FCHSD2: variants seen among roughly 807,000 people sequenced by gnomAD.
FCHSD2 encodes F-BAR and double SH3 domains protein 2.
Under a neutral mutation model 108.1 loss-of-function variants are expected in FCHSD2, and 38 were observed. That is an observed-to-expected ratio of 0.35 (90% CI 0.27 to 0.46). FCHSD2 has a LOEUF of 0.46. Among genes scored for constraint, FCHSD2 ranks in the 20% least tolerant of loss-of-function variants. FCHSD2 has a pLI of 1.00. For missense variants in FCHSD2, 751 were observed against 897.8 expected, an observed-to-expected ratio of 0.84 and a Z score of 2.09; for synonymous variants, 279 against 314.7, an observed-to-expected ratio of 0.89 and a Z score of 1.20.
chr11:72,875,039 CA>C (rs1854938496), intron 12 of FCHSD2, among the ~76,000 whole-genome samples: 1 of 152,166 alleles, frequency 6.6e-6, no homozygotes, highest in Non-Finnish European at 1.5e-5. Flanking sequence ...TTTAACACAA[CA>C]TTTAACATAA....
chr11:72,904,724 T>G (rs1283220366), intron 9 of FCHSD2, among the ~76,000 whole-genome samples: 1 of 152,234 alleles, frequency 6.6e-6, no homozygotes, highest in Non-Finnish European at 1.5e-5. Flanking sequence ...CAAATCAGGA[T>G]ACAAATACAG....
At chr11:73,114,496 C>G (rs1860561835) in intron 2 of FCHSD2, among the ~76,000 whole-genome samples, 1 of 152,082 alleles carries the variant, frequency 6.6e-6, no homozygotes, top group South Asian at 2.1e-4. Flanking sequence ...TTTTCTCAAG[C>G]AGGAGTTTCT....
chr11:72,949,186 CG>C (rs1455240758), intron 8 of FCHSD2, among the ~76,000 whole-genome samples: 1 of 151,918 alleles, frequency 6.6e-6, no homozygotes, highest in East Asian at 1.9e-4. Context: ...TGGTGGCTCA[CG>C]CCTGTAATCC....
At chr11:72,891,566 G>C (rs1855315447) in intron 10 of FCHSD2, among the ~76,000 whole-genome samples, 1 of 152,168 alleles carries the variant, frequency 6.6e-6, no homozygotes, top group African/African-American at 2.4e-5. Flanking sequence ...TGTTCTCAAA[G>C]TCAGGAATAT....
At chr11:73,055,621 T>C (rs1859007759) in intron 3 of FCHSD2, among the ~76,000 whole-genome samples, 2 of 152,338 alleles carry the variant, frequency 1.3e-5, no homozygotes, top group South Asian at 4.1e-4. Flanking sequence ...TACAATATAT[T>C]AGTACAGAGT....
intron 12 of FCHSD2, among the ~76,000 whole-genome samples, chr11:72,872,845 T>C (rs1200242378): frequency 1.3e-5 from 2 of 152,194 alleles, no homozygotes. Flanking sequence ...TAATGCTAAG[T>C]TTAACCATCT....
intron 10 of FCHSD2, among the ~76,000 whole-genome samples, chr11:72,897,217 T>G (rs1386943542): frequency 6.6e-6 from 1 of 152,074 alleles, no homozygotes; most frequent in African/African-American, 2.4e-5. Flanking sequence ...TAGTATCCTA[T>G]TTAATTTTCA....
At chr11:72,945,159 G>T (rs1286848096) in intron 8 of FCHSD2, among the ~76,000 whole-genome samples, 1 of 152,092 alleles carries the variant, frequency 6.6e-6, no homozygotes. Flanking sequence ...ATACTACAAG[G>T]CTACAGTAAC....
At chr11:72,921,713 A>G in intron 9 of FCHSD2, 115 bp downstream of exon 9, 1 of 771,802 alleles carries the variant, frequency 1.3e-6, no homozygotes, top group East Asian at 2.7e-5. Flanking sequence ...TTACCAGGAA[A>G]TTTGTTCGTT....
chr11:72,937,499 TAATAAAC>T (rs1856327309), intron 8 of FCHSD2, among the ~76,000 whole-genome samples: 1 of 152,160 alleles, frequency 6.6e-6, no homozygotes, highest in South Asian at 2.1e-4. Context: ...AGGAAAGAGT[TAATAAAC>T]ATGTCATGGA....
intron 8 of FCHSD2, among the ~76,000 whole-genome samples, chr11:72,966,981 G>A (rs914329016): frequency 2.0e-5 from 3 of 151,922 alleles, no homozygotes; most frequent in South Asian, 2.1e-4. Context: ...GGCGGATCAC[G>A]AGGTCAGGAG....
chr11:72,842,486 T>A, intron 17 of FCHSD2, 135 bp downstream of exon 17: 1 of 1,006,662 alleles, frequency 9.9e-7, no homozygotes, highest in Non-Finnish European at 1.4e-6. Context: ...CAAATGCAGT[T>A]GTGCAGACAC....
At chr11:72,916,382 A>G (rs1228036675) in intron 9 of FCHSD2, among the ~76,000 whole-genome samples, 3 of 147,762 alleles carry the variant, frequency 2.0e-5, no homozygotes, top group Non-Finnish European at 4.4e-5. Flanking sequence ...GCATGATCAT[A>G]GCCTGCTGCA....
At chr11:72,989,642 GC>G (rs1329598237) in intron 5 of FCHSD2, among the ~76,000 whole-genome samples, 2 of 152,118 alleles carry the variant, frequency 1.3e-5, no homozygotes, top group African/African-American at 4.8e-5. Context: ...ACCATCCCCT[GC>G]CCAACTCCGT....
chr11:72,983,251 G>A (rs1185026304), intron 8 of FCHSD2, among the ~76,000 whole-genome samples: 1 of 149,992 alleles, frequency 6.7e-6, no homozygotes, highest in African/African-American at 2.4e-5. Context: ...CCGAGATCCC[G>A]CCACTGCACT....
chr11:73,007,309 G>A (rs1055692590), intron 4 of FCHSD2, among the ~76,000 whole-genome samples: 8 of 152,044 alleles, frequency 5.3e-5, no homozygotes, highest in Non-Finnish European at 1.2e-4. Flanking sequence ...AACTTTACCA[G>A]AAGAAATTTC....
chr11:72,875,075 T>C (rs966301771), intron 12 of FCHSD2, among the ~76,000 whole-genome samples: 9 of 152,226 alleles, frequency 5.9e-5, no homozygotes, highest in African/African-American at 1.9e-4. Flanking sequence ...AAAGCTATAG[T>C]TGAATTTCAA....
At chr11:72,864,591 ATTGT>A (rs1854682653) in intron 13 of FCHSD2, among the ~76,000 whole-genome samples, 1 of 147,590 alleles carries the variant, frequency 6.8e-6, no homozygotes, top group South Asian at 2.1e-4. Context: ...AATATATACA[ATTGT>A]TTGTCAATTA....
At chr11:72,975,344 C>T (rs1857084948) in intron 8 of FCHSD2, among the ~76,000 whole-genome samples, 1 of 151,872 alleles carries the variant, frequency 6.6e-6, no homozygotes, top group African/African-American at 2.4e-5. Flanking sequence ...TTGGTGGTTA[C>T]CAGAGGTTGG....
Sources: allele counts gnomAD v4.1 joint callset (sites outside exome capture counted in the v4.1 genomes callset), GRCh38; gene constraint gnomAD v4.1.1; transcripts MANE v1.5; gene names NCBI Gene and HGNC (gene_info 2026-07-23, HGNC 2026-07-21).